Variants in EIF2B3 observed in about 807,000 individuals in gnomAD.
EIF2B3 encodes eukaryotic translation initiation factor 2B subunit gamma, also known as translation initiation factor eIF2B subunit gamma.
Under a neutral mutation model 54.1 loss-of-function variants are expected in EIF2B3, and 20 were observed. That is an observed-to-expected ratio of 0.37 (90% CI 0.26 to 0.54). The LOEUF (loss-of-function observed/expected upper bound fraction) is 0.54, where lower values mean the gene tolerates loss of function less well. EIF2B3 is among the 20% of genes least tolerant of loss of function. EIF2B3 has a pLI of 0.86. For missense variants in EIF2B3, 448 were observed against 547.8 expected, an observed-to-expected ratio of 0.82 and a Z score of 1.82; for synonymous variants, 153 against 188.1, an observed-to-expected ratio of 0.81 and a Z score of 1.52.
chr1:44,883,557 G>T (rs263956), intron 6 of EIF2B3, among the ~76,000 whole-genome samples: 17,496 of 152,020 alleles, frequency 0.12, 2,391 homozygotes, highest in East Asian at 0.52. Flanking sequence ...CAGAGGACTG[G>T]TTTCCACACC....
Position 44,957,083 on chromosome 1 carries a change from A to G in EIF2B3, c.295-15418T>C, listed in dbSNP as rs868122317. Among the ~76,000 whole-genome samples, 5 of 152,110 alleles carry G rather than the reference A, an allele frequency of 3.3e-5. No individual in the cohort carries two copies. The South Asian group carries it at 8.3e-4, about 25-fold the overall frequency. On this transcript the variant is annotated intron_variant, in intron 3 of 11. Transcript: ENST00000360403. ...TTCGAGACTAGCTAGCCTAGGCAAC[A>G]TCCAGACCCTGTCTCCACAAAAAAG...
chr1:44,850,696 G>T lies in EIF2B3; in HGVS notation c.*255C>A. ...GCTGCTGCCCCACCGATACATCTTG[G>T]CACACAAGAGTTAGGCCACTGTATC... On this transcript the variant is annotated 3_prime_UTR_variant, in exon 12 of 12. Transcript: ENST00000360403. 1 of 545,786 alleles carries T rather than the reference G, an allele frequency of 1.8e-6. No individual in the cohort carries two copies. Among genetic ancestry groups the T allele is most frequent in the Non-Finnish European group, 3.3e-6 (1 of 305,682 alleles). The allele number at this position is 545,786 out of a possible 1,614,324, so 33.8% of individuals were successfully genotyped here. A position where few individuals can be genotyped will look rare whatever the true frequency, so the allele number is the denominator to read the frequency against.
rs145550957 is a variant in EIF2B3 at position 44,852,244 on chromosome 1, G to A, written c.1307-1241C>T. On this transcript the variant is annotated intron_variant, in intron 11 of 11. Transcript: ENST00000360403. ...CCTCCCAAAGTGCTGGATTACAGGC[G>A]TGAGCCACCGCACTTGGCCCTGTTT... Among the ~76,000 whole-genome samples the A allele has an allele frequency of 5.5e-3, 834 of 151,630 alleles. 8 individuals are homozygous for A. Among genetic ancestry groups the A allele is most frequent in the African/African-American group, 0.019 (797 of 41,348 alleles).
At chr1:44,860,322 CT>C (rs1363431365) in intron 10 of EIF2B3, among the ~76,000 whole-genome samples, 1 of 152,128 alleles carries the variant, frequency 6.6e-6, no homozygotes, top group Non-Finnish European at 1.5e-5. Context: ...GCTAACAAAT[CT>C]AGTAATTTCA....
chr1:44,917,517 A>T (rs1643647955), intron 5 of EIF2B3, among the ~76,000 whole-genome samples: 1 of 151,682 alleles, frequency 6.6e-6, no homozygotes, highest in Non-Finnish European at 1.5e-5. Context: ...AAGAAAAAAA[A>T]ATCTTCAGAT....
intron 3 of EIF2B3, among the ~76,000 whole-genome samples, chr1:44,954,970 T>C (rs574077034): frequency 1.3e-5 from 2 of 152,318 alleles, no homozygotes; most frequent in Non-Finnish European, 2.9e-5. Context: ...TCTGCATCTG[T>C]TAAGAAATCA....
At chr1:44,876,903 C>T (rs890782157) in intron 8 of EIF2B3, among the ~76,000 whole-genome samples, 3 of 138,416 alleles carry the variant, frequency 2.2e-5, no homozygotes, top group Non-Finnish European at 3.1e-5. Context: ...TACCCCCAAC[C>T]CTGTGCTCTC....
At chr1:44,885,981 G>A (rs573884236) in intron 6 of EIF2B3, among the ~76,000 whole-genome samples, 2 of 148,466 alleles carry the variant, frequency 1.3e-5, no homozygotes, top group East Asian at 2.0e-4. Context: ...TCCTGACCTC[G>A]TGATCCGCCC....
At chr1:44,963,376 C>T (rs1644305790) in intron 3 of EIF2B3, among the ~76,000 whole-genome samples, 2 of 151,066 alleles carry the variant, frequency 1.3e-5, no homozygotes, top group South Asian at 2.1e-4. Flanking sequence ...CTCAGGTGAT[C>T]CTCCCACCTC....
At chr1:44,905,924 C>T (rs1443314661) in intron 5 of EIF2B3, among the ~76,000 whole-genome samples, 1 of 152,120 alleles carries the variant, frequency 6.6e-6, no homozygotes, top group East Asian at 1.9e-4. Flanking sequence ...TGCTGTTCAC[C>T]CTCACCCATC....
At chr1:44,890,203 G>C (rs1569633242) in intron 6 of EIF2B3, among the ~76,000 whole-genome samples, 1 of 152,244 alleles carries the variant, frequency 6.6e-6, no homozygotes, top group Middle Eastern at 3.4e-3. Context: ...TTGGGGGTCT[G>C]TTTTTGTCTT....
chr1:44,961,821 G>T (rs1239934457), intron 3 of EIF2B3, among the ~76,000 whole-genome samples: 1 of 152,152 alleles, frequency 6.6e-6, no homozygotes, highest in Non-Finnish European at 1.5e-5. Flanking sequence ...GACAGAACAA[G>T]AATTATCTAT....
chr1:44,851,221 C>T (rs1170330742), intron 11 of EIF2B3, among the ~76,000 whole-genome samples: 4 of 152,022 alleles, frequency 2.6e-5, no homozygotes, highest in Non-Finnish European at 5.9e-5. Context: ...CCCGCCACCA[C>T]GCCTGGCTAA....
At chr1:44,928,096 G>T (rs1295598913) in intron 4 of EIF2B3, among the ~76,000 whole-genome samples, 1 of 152,110 alleles carries the variant, frequency 6.6e-6, no homozygotes, top group Non-Finnish European at 1.5e-5. Flanking sequence ...AGGCTGCAGT[G>T]AGCCATGACT....
At chr1:44,973,895 A>G (rs1644427472) in intron 3 of EIF2B3, among the ~76,000 whole-genome samples, 1 of 152,168 alleles carries the variant, frequency 6.6e-6, no homozygotes, top group Admixed American at 6.6e-5. Context: ...TAATGGTTGC[A>G]CAACATTATA....
chr1:44,967,739 C>CAAA (rs35067923), intron 3 of EIF2B3, among the ~76,000 whole-genome samples: 17 of 49,512 alleles, frequency 3.4e-4, no homozygotes, highest in African/African-American at 1.1e-3. Flanking sequence ...ATGCTGTCTT[C>CAAA]AAAAAAAAAA....
chr1:44,850,939 C>G lies in EIF2B3; in HGVS notation c.*12G>C. On this transcript the variant is annotated 3_prime_UTR_variant, in exon 12 of 12. Coordinates refer to ENST00000360403, the MANE Select transcript of EIF2B3 (RefSeq NM_020365.5). ...TGGAGGCCAAAAGGAAGGAGTCTGA[C>G]TTGCTCAGAACTCAGATCTCCATGA... The G allele has an allele frequency of 1.2e-6, 2 of 1,614,070 alleles. No individual in the cohort carries two copies. The highest frequency in any genetic ancestry group is 1.7e-6 in the Non-Finnish European group (2 of 1,179,920).
intron 5 of EIF2B3, among the ~76,000 whole-genome samples, chr1:44,901,091 C>T (rs929815295): frequency 1.1e-4 from 17 of 151,864 alleles, no homozygotes; most frequent in East Asian, 1.9e-4. Flanking sequence ...ACTACAGGTT[C>T]GTGCCATGCC....
intron 3 of EIF2B3, among the ~76,000 whole-genome samples, chr1:44,942,444 T>TCCC (rs763491473): frequency 1.1e-5 from 1 of 88,920 alleles, no homozygotes; most frequent in Non-Finnish European, 2.3e-5. Flanking sequence ...TTTTTTTTTT[T>TCCC]CCAGACAGGG....
Sources: allele counts gnomAD v4.1 joint callset (sites outside exome capture counted in the v4.1 genomes callset), GRCh38; gene constraint gnomAD v4.1.1; transcripts MANE v1.5; gene names NCBI Gene and HGNC (gene_info 2026-07-23, HGNC 2026-07-21).